GALNTL6: variants seen among roughly 807,000 people sequenced by gnomAD.
The protein encoded by GALNTL6 is polypeptide N-acetylgalactosaminyltransferase-like 6.
GALNTL6 carries 46 observed loss-of-function variants against 73.7 expected under a neutral mutation model. The ratio of observed to expected loss-of-function variants is 0.62; its 90% CI spans 0.49 to 0.80. GALNTL6 has a LOEUF of 0.80. Ranked by LOEUF, GALNTL6 falls within the 30% of genes least tolerant of loss-of-function variation. The pLI, the probability that GALNTL6 is intolerant of heterozygous loss-of-function variation, is 0.00. For synonymous variants in GALNTL6, 259 were observed against 263.7 expected (o/e 0.98, Z 0.17); for missense variants, 604 against 755.0 (o/e 0.80, Z 2.34).
intron 5 of GALNTL6, among the ~76,000 whole-genome samples, chr4:172,587,433 G>A (rs557171803): frequency 5.3e-5 from 8 of 152,124 alleles, no homozygotes; most frequent in Non-Finnish European, 7.3e-5. Flanking sequence ...ACATGAACCC[G>A]ATCATGTCAC....
At chr4:172,603,038 G>T (rs888386324) in intron 5 of GALNTL6, among the ~76,000 whole-genome samples, 2 of 152,158 alleles carry the variant, frequency 1.3e-5, no homozygotes, top group Non-Finnish European at 2.9e-5. Flanking sequence ...TATGGTGTCA[G>T]AAAGCATACC....
rs190220096 is a variant in GALNTL6 at position 172,665,838 on chromosome 4, A to G, written c.554-143523A>G. On this transcript the variant is annotated intron_variant, in intron 5 of 12. Coordinates refer to ENST00000506823, the MANE Select transcript of GALNTL6 (RefSeq NM_001034845.3). ...CTAATGATTTTTGTTATTTTTTTAC[A>G]AACATTTGAACCTTTTATTCCTCAT... 2.6e-5 allele frequency among the ~76,000 whole-genome samples: 4 copies of G among 152,254 alleles called. No homozygotes were observed. The East Asian group carries it at 7.7e-4, about 29-fold the overall frequency.
chr4:172,758,413 G>A (rs901730879), intron 5 of GALNTL6, among the ~76,000 whole-genome samples: 2 of 152,132 alleles, frequency 1.3e-5, no homozygotes, highest in Non-Finnish European at 2.9e-5. Flanking sequence ...GCGAGCACCT[G>A]TAATCCCAGC....
At chr4:172,436,703 C>G (rs1731646117) in intron 5 of GALNTL6, among the ~76,000 whole-genome samples, 1 of 152,128 alleles carries the variant, frequency 6.6e-6, no homozygotes, top group Non-Finnish European at 1.5e-5. Flanking sequence ...TAAGGAACAG[C>G]AGACTTACTC....
intron 2 of GALNTL6, among the ~76,000 whole-genome samples, chr4:172,005,633 C>A (rs1740820972): frequency 6.6e-6 from 1 of 151,958 alleles, no homozygotes; most frequent in African/African-American, 2.4e-5. Flanking sequence ...TTTACACACA[C>A]CTATACCTAT....
intron 5 of GALNTL6, among the ~76,000 whole-genome samples, chr4:172,443,044 C>T (rs1249056015): frequency 7.5e-6 from 1 of 132,712 alleles, no homozygotes; most frequent in Non-Finnish European, 1.6e-5. Flanking sequence ...GATTGTAAAG[C>T]GATATTATGT....
rs575055221 is a variant in GALNTL6, at chr4:172,805,900, C to T, written c.554-3461C>T. ...GACCATGGGTTAATGGCTGTTGGGGCTGGATGAAGGATATTTTTTAAAATC... is the reference window on the plus strand; with the variant it reads ...GACCATGGGTTAATGGCTGTTGGGGTTGGATGAAGGATATTTTTTAAAATC... On this transcript the variant is annotated intron_variant, in intron 5 of 12. Coordinates refer to ENST00000506823, the MANE Select transcript of GALNTL6 (RefSeq NM_001034845.3). 3.3e-5 allele frequency among the ~76,000 whole-genome samples: 5 copies of T among 151,756 alleles called. No homozygotes were observed. In the East Asian group the frequency reaches 9.7e-4, roughly 29 times the overall value.
At chr4:172,619,937 A>C (rs1183238624) in intron 5 of GALNTL6, among the ~76,000 whole-genome samples, 3 of 152,204 alleles carry the variant, frequency 2.0e-5, no homozygotes, top group Non-Finnish European at 4.4e-5. Context: ...GTGTATAGGC[A>C]ATTATTATTA....
At chr4:172,127,879 G>C (rs896112034) in intron 2 of GALNTL6, among the ~76,000 whole-genome samples, 2 of 152,072 alleles carry the variant, frequency 1.3e-5, no homozygotes, top group African/African-American at 4.8e-5. Context: ...AAGGTGAGTG[G>C]ATAGCCTGAG....
At chr4:172,791,909 G>A (rs1560955584) in intron 5 of GALNTL6, among the ~76,000 whole-genome samples, 1 of 152,200 alleles carries the variant, frequency 6.6e-6, no homozygotes, top group Non-Finnish European at 1.5e-5. Context: ...CTCTGCTGAT[G>A]CCTAGTCTTG....
intron 2 of GALNTL6, among the ~76,000 whole-genome samples, chr4:172,053,291 A>C (rs1022014930): frequency 2.6e-5 from 4 of 152,102 alleles, no homozygotes; most frequent in African/African-American, 7.2e-5. Context: ...TTTAAAAAAA[A>C]CACAATAATA....
intron 10 of GALNTL6, among the ~76,000 whole-genome samples, chr4:172,986,876 G>A (rs1045280607): frequency 6.6e-6 from 1 of 152,050 alleles, no homozygotes; most frequent in Admixed American, 6.5e-5. Flanking sequence ...GGGCCTCAGG[G>A]AAAAAAGAAG....
chr4:172,542,193 G>A (rs1389959124), intron 5 of GALNTL6, among the ~76,000 whole-genome samples: 1 of 151,760 alleles, frequency 6.6e-6, no homozygotes, highest in African/African-American at 2.4e-5. Flanking sequence ...TTGAGGAGGC[G>A]GTGTCTTATT....
At chr4:172,974,228 T>A (rs994000045) in intron 10 of GALNTL6, among the ~76,000 whole-genome samples, 3 of 152,182 alleles carry the variant, frequency 2.0e-5, no homozygotes, top group Admixed American at 6.5e-5. Context: ...TTAGGATATG[T>A]ATTTGTTCTA....
At chr4:172,359,093 G>A (rs1454191602) in intron 5 of GALNTL6, among the ~76,000 whole-genome samples, 1 of 152,126 alleles carries the variant, frequency 6.6e-6, no homozygotes, top group East Asian at 1.9e-4. Flanking sequence ...AATGTTCACT[G>A]CAGCACTATT....
At chr4:172,276,306 A>C (rs1262592901) in intron 3 of GALNTL6, among the ~76,000 whole-genome samples, 1 of 152,208 alleles carries the variant, frequency 6.6e-6, no homozygotes, top group Non-Finnish European at 1.5e-5. Context: ...GACCAGCATA[A>C]AGACAAGAAG....
intron 2 of GALNTL6, among the ~76,000 whole-genome samples, chr4:171,941,981 G>T (rs1006640825): frequency 6.6e-6 from 1 of 152,076 alleles, no homozygotes; most frequent in Non-Finnish European, 1.5e-5. Context: ...ACCTTTTGTA[G>T]CTATTAATAG....
intron 2 of GALNTL6, among the ~76,000 whole-genome samples, chr4:171,890,775 A>G (rs1736738610): frequency 6.6e-6 from 1 of 152,258 alleles, no homozygotes; most frequent in African/African-American, 2.4e-5. Context: ...ATATAGTCAA[A>G]CTCTCTGTTA....
At chr4:173,004,218 T>C (rs1752174016) in intron 10 of GALNTL6, among the ~76,000 whole-genome samples, 2 of 152,058 alleles carry the variant, frequency 1.3e-5, no homozygotes, top group African/African-American at 4.8e-5. Context: ...GGAACCTCAT[T>C]TGTACCTCCT....
Sources: allele counts gnomAD v4.1 joint callset (sites outside exome capture counted in the v4.1 genomes callset), GRCh38; gene constraint gnomAD v4.1.1; transcripts MANE v1.5; gene names NCBI Gene and HGNC (gene_info 2026-07-23, HGNC 2026-07-21).